The following PLEKHA5 variants were observed in gnomAD, a reference collection of about 807,000 sequenced individuals.
PLEKHA5 encodes pleckstrin homology domain containing A5, also known as pleckstrin homology domain-containing family A member 5.
PLEKHA5 carries 55 observed loss-of-function variants against 181.9 expected under a neutral mutation model. The ratio of observed to expected loss-of-function variants is 0.30; its 90% confidence interval spans 0.24 to 0.38. The LOEUF (loss-of-function observed/expected upper bound fraction) is 0.38, where lower values mean the gene tolerates loss of function less well. PLEKHA5 is among the 10% of genes least tolerant of loss of function. The pLI is 1.00. For missense variants in PLEKHA5, 1,432 were observed against 1,549.5 expected, an observed-to-expected ratio of 0.92 and a Z score of 1.27; for synonymous variants, 535 against 529.4, an observed-to-expected ratio of 1.01 and a Z score of -0.15.
chr12:19,200,257 A>T, intron 3 of PLEKHA5: 1 of 1,104,934 alleles, frequency 9.1e-7, no homozygotes, highest in Non-Finnish European at 1.3e-6. Flanking sequence ...AAATATGTAT[A>T]GATATTATGT....
At chr12:19,211,037 G>T (rs2056788128) in intron 3 of PLEKHA5, among the ~76,000 whole-genome samples, 1 of 152,000 alleles carries the variant, frequency 6.6e-6, no homozygotes, top group African/African-American at 2.4e-5. Flanking sequence ...GCTTAAGGAG[G>T]TATTGTCTAG....
chr12:19,265,527 G>A lies in PLEKHA5; in HGVS notation c.611-223G>A, dbSNP rs566992256. Reference sequence around the variant, plus strand: ...TACTTATATGCCAGTATGTTTTTCAGTGAATGACATGTAAAGGGGCTTTGT... The same window carrying A: ...TACTTATATGCCAGTATGTTTTTCAATGAATGACATGTAAAGGGGCTTTGT... On this transcript the variant is annotated intron_variant, in intron 7 of 31. Transcript: ENST00000429027. Among the ~76,000 whole-genome samples the A allele has an allele frequency of 7.2e-5, 11 of 152,280 alleles. 1 individual carries two copies. In the South Asian group the frequency reaches 2.1e-3, roughly 29 times the overall value.
chr12:19,156,316 T>G (rs985692), intron 3 of PLEKHA5, among the ~76,000 whole-genome samples: 135,158 of 151,800 alleles, frequency 0.89, 60,971 homozygotes, highest in Non-Finnish European at 0.97. Context: ...AGTGTGAAAA[T>G]TTGGTTTTTT....
At chr12:19,238,388 G>A (rs1186045392) in intron 3 of PLEKHA5, among the ~76,000 whole-genome samples, 1 of 152,022 alleles carries the variant, frequency 6.6e-6, no homozygotes, top group East Asian at 1.9e-4. Flanking sequence ...ATGACTCCCA[G>A]TATATTATAC....
intron 15 of PLEKHA5, chr12:19,307,615 C>A: frequency 3.0e-6 from 1 of 328,278 alleles, no homozygotes; most frequent in South Asian, 3.5e-5. Flanking sequence ...TAGACACAGT[C>A]AAGGAGCAGA....
intron 3 of PLEKHA5, among the ~76,000 whole-genome samples, chr12:19,195,393 G>A (rs1467871979): frequency 2.0e-5 from 2 of 99,444 alleles, no homozygotes; most frequent in African/African-American, 3.3e-5. Context: ...AAGTACGGGT[G>A]AGTGATAGCT....
intron 3 of PLEKHA5, among the ~76,000 whole-genome samples, chr12:19,218,539 TAAG>T (rs1349455376): frequency 6.6e-6 from 1 of 152,154 alleles, no homozygotes; most frequent in Non-Finnish European, 1.5e-5. Context: ...GAATAAGAGA[TAAG>T]AACATATTAG....
In PLEKHA5 at chr12:19,305,558, C is replaced by CA. The variant is rs35582080; in HGVS notation, c.2038-9240dup. Among the ~76,000 whole-genome samples, 130 of 117,396 alleles carry CA rather than the reference C, an allele frequency of 1.1e-3. 2 individuals carry two copies. The highest frequency in any genetic ancestry group is 2.3e-3 in the South Asian group (8 of 3,470). 77.0% of individuals were successfully genotyped at this position (117,396 alleles called of 152,430 possible). A position where few individuals can be genotyped will look rare whatever the true frequency, so the allele number is the denominator to read the frequency against. On this transcript the variant is annotated intron_variant, in intron 15 of 31. Transcript: ENST00000429027. Reference sequence around the variant, plus strand: ...CCTGGGTGACAGCGAGACTGTGTCTCAAAAAAAAAAAAAAAAGACCCAGCA... The same window carrying CA: ...CCTGGGTGACAGCGAGACTGTGTCTCAAAAAAAAAAAAAAAAAGACCCAGCA...
intron 3 of PLEKHA5, among the ~76,000 whole-genome samples, chr12:19,242,225 C>T (rs1376574202): frequency 9.6e-6 from 1 of 103,762 alleles, no homozygotes; most frequent in African/African-American, 2.6e-5. Context: ...TTGTAAATTC[C>T]TTTTTTTGTT....
chr12:19,373,636 C>G (rs1332216387), intron 31 of PLEKHA5: 1 of 151,332 alleles, frequency 6.6e-6, no homozygotes, highest in Non-Finnish European at 1.5e-5. Flanking sequence ...CCATTGCACT[C>G]CAGCCTGGGC....
chr12:19,156,344 T>C (rs914709386), intron 3 of PLEKHA5, among the ~76,000 whole-genome samples: 4 of 152,198 alleles, frequency 2.6e-5, no homozygotes, highest in Non-Finnish European at 5.9e-5. Flanking sequence ...AAAACTGATT[T>C]TATGGAGTAT....
chr12:19,245,925 T>A (rs1367054404), intron 3 of PLEKHA5, among the ~76,000 whole-genome samples: 1 of 151,500 alleles, frequency 6.6e-6, no homozygotes, highest in Non-Finnish European at 1.5e-5. Context: ...AGTATTATTT[T>A]AAAATAGTTC....
chr12:19,191,803 G>T (rs1292187637), intron 3 of PLEKHA5, among the ~76,000 whole-genome samples: 1 of 152,146 alleles, frequency 6.6e-6, no homozygotes, highest in Non-Finnish European at 1.5e-5. Flanking sequence ...TGTCTGGCAA[G>T]TTGATGGTGG....
At chr12:19,335,693 G>A (rs547093787) in intron 20 of PLEKHA5, among the ~76,000 whole-genome samples, 1 of 150,934 alleles carries the variant, frequency 6.6e-6, no homozygotes, top group Admixed American at 6.6e-5. Flanking sequence ...CTCCTGAGGC[G>A]CAATCTCGGC....
At chr12:19,165,388 G>T (rs1420076007) in intron 3 of PLEKHA5, among the ~76,000 whole-genome samples, 1 of 150,652 alleles carries the variant, frequency 6.6e-6, no homozygotes, top group African/African-American at 2.4e-5. Context: ...TTTGTTTTTT[G>T]ATTTAGAAAC....
At chr12:19,338,481 C>T (rs1404568884) in intron 21 of PLEKHA5, among the ~76,000 whole-genome samples, 1 of 151,972 alleles carries the variant, frequency 6.6e-6, no homozygotes, top group South Asian at 2.1e-4. Flanking sequence ...TAGCTGGGCA[C>T]TTGTGGTCCC....
chr12:19,341,347 A>G (rs1199181368), intron 21 of PLEKHA5, among the ~76,000 whole-genome samples: 1 of 152,174 alleles, frequency 6.6e-6, no homozygotes, highest in African/African-American at 2.4e-5. Flanking sequence ...TAAAATAAAA[A>G]TTAGATTTGC....
intron 29 of PLEKHA5, among the ~76,000 whole-genome samples, chr12:19,363,338 T>A (rs544673244): frequency 1.3e-4 from 19 of 151,730 alleles, no homozygotes; most frequent in Admixed American, 4.6e-4. Flanking sequence ...TTTTATTTTT[T>A]TTTTTATTTT....
chr12:19,359,604 C>G, intron 28 of PLEKHA5, 58 bp downstream of exon 28: 1 of 1,474,026 alleles, frequency 6.8e-7, no homozygotes, highest in Non-Finnish European at 9.5e-7. Flanking sequence ...AAGATTAAAT[C>G]AAGTGGTAAG....
Sources: gnomAD v4.1 joint callset for allele counts (sites outside exome capture counted in the v4.1 genomes callset) on GRCh38, gnomAD v4.1.1 for gene constraint, MANE v1.5 for transcripts, NCBI Gene and HGNC (gene_info 2026-07-23, HGNC 2026-07-21) for gene names.